The following KCNT1 variants were observed in gnomAD, a reference collection of about 807,000 sequenced individuals.
KCNT1 encodes the protein potassium channel subfamily T member 1.
In KCNT1, 78 loss-of-function variants were observed where a neutral mutation model predicts 147.8. The observed-to-expected ratio is 0.53, with a 90% CI of 0.44 to 0.64. The LOEUF is 0.64. KCNT1 is among the 30% of genes least tolerant of loss of function. The pLI, the probability that KCNT1 is intolerant of heterozygous loss-of-function variation, is 0.00. For missense variants in KCNT1, 1,419 were observed against 1,750.3 expected (o/e 0.81, Z 3.38); for synonymous variants, 867 against 748.8 (o/e 1.16, Z -2.58).
At chr9:135,755,320 G>A (rs940516056) in intron 6 of KCNT1, 151 bp downstream of exon 6, 1 of 586,146 alleles carries the variant, frequency 1.7e-6, no homozygotes, top group Non-Finnish European at 2.8e-6. Flanking sequence ...CCCAGGCTCA[G>A]TGAGCACTGA....
At chr9:135,715,266 G>A (rs1197614067) in intron 2 of KCNT1, among the ~76,000 whole-genome samples, 1 of 152,246 alleles carries the variant, frequency 6.6e-6, no homozygotes, top group Non-Finnish European at 1.5e-5. Context: ...TTTCAGTTAA[G>A]GACCAACAGG....
At chr9:135,756,600 C>T (rs1215583864) in intron 6 of KCNT1, among the ~76,000 whole-genome samples, 1 of 152,200 alleles carries the variant, frequency 6.6e-6, no homozygotes, top group Non-Finnish European at 1.5e-5. Context: ...TCCTGAGCGT[C>T]CTGCCTCACC....
chr9:135,721,287 G>A (rs1434692858), intron 2 of KCNT1, among the ~76,000 whole-genome samples: 1 of 152,210 alleles, frequency 6.6e-6, no homozygotes, highest in Non-Finnish European at 1.5e-5. Flanking sequence ...AGCCTGCTCA[G>A]TCCCTGGGGG....
chr9:135,750,803 A>G (rs951436153), intron 3 of KCNT1, 139 bp from the exon 4 acceptor site: 1 of 731,472 alleles, frequency 1.4e-6, no homozygotes, highest in Non-Finnish European at 2.4e-6. Context: ...CAGGGCACAC[A>G]GAGCTCTGCG....
chr9:135,755,172 G>A lies in KCNT1; in HGVS notation c.540+3G>A. 6.2e-7 allele frequency: 1 copy of A among 1,610,782 alleles called. No homozygotes were observed. The highest frequency in any genetic ancestry group is 1.1e-5 in the South Asian group (1 of 90,652). On this transcript the variant is annotated splice_donor_region_variant and intron_variant, in intron 6 of 30. Transcript: ENST00000371757. ...AGATGACACTGTGGGCGATCCAGGT[G>A]AGTGCCCTACCCTGCCCCCCTCCCG... is the stretch of plus-strand genomic sequence containing the variant.
intron 29 of KCNT1, chr9:135,791,463 C>T (rs957331097): frequency 6.8e-5 from 21 of 309,876 alleles, no homozygotes; most frequent in Admixed American, 2.3e-4. Flanking sequence ...GGCTGACGTA[C>T]GTGGCAGGTG....
chr9:135,788,482 T>C (rs1027287982), intron 29 of KCNT1, among the ~76,000 whole-genome samples: 2 of 152,250 alleles, frequency 1.3e-5, no homozygotes, highest in African/African-American at 2.4e-5. Flanking sequence ...CTGTTTACGA[T>C]GAGCTCTGAT....
At chr9:135,705,371 G>C (rs1398030865) in intron 1 of KCNT1, among the ~76,000 whole-genome samples, 1 of 152,256 alleles carries the variant, frequency 6.6e-6, no homozygotes, top group African/African-American at 2.4e-5. Context: ...CCCTGCATGG[G>C]TGAGGGATGC....
chr9:135,714,221 GA>G lies in KCNT1; in HGVS notation c.111-355del, dbSNP rs1407749482. On this transcript the variant is annotated intron_variant, in intron 1 of 30. Transcript: ENST00000371757. This position sits in a 1 kb window ranked among gnomAD's most constrained non-coding sequence, Gnocchi z 6.2. ...GTGTGGCGGGGCTTCAGAGCAGGGGGAGGGCCTCCATCCTGGCTCTTGGGGG... is the reference window on the plus strand; with the variant it reads ...GTGTGGCGGGGCTTCAGAGCAGGGGGGGGCCTCCATCCTGGCTCTTGGGGG... 6.6e-6 allele frequency among the ~76,000 whole-genome samples: 1 copy of G among 151,846 alleles called. No homozygotes were observed. The highest frequency in any genetic ancestry group is 2.4e-5 in the African/African-American group (1 of 41,382).
intron 1 of KCNT1, among the ~76,000 whole-genome samples, chr9:135,710,329 C>G (rs1404366512): frequency 1.3e-5 from 2 of 152,158 alleles, no homozygotes; most frequent in African/African-American, 4.8e-5. Flanking sequence ...AGGCTGGAGC[C>G]AGGTACTGGG....
At chr9:135,776,719 C>T (rs960953271) in intron 20 of KCNT1, among the ~76,000 whole-genome samples, 1 of 152,350 alleles carries the variant, frequency 6.6e-6, no homozygotes, top group East Asian at 1.9e-4. Flanking sequence ...CCGGTCATTG[C>T]AGTAGCATCA....
chr9:135,791,986 G>A, intron 30 of KCNT1, 55 bp from the exon 31 acceptor site: 1 of 1,605,426 alleles, frequency 6.2e-7, no homozygotes, highest in Non-Finnish European at 8.5e-7. Flanking sequence ...GCAGAGGGCT[G>A]AGCAGGGGCT....
chr9:135,722,193 C>T lies in KCNT1; in HGVS notation c.254+7473C>T, dbSNP rs147862425. On this transcript the variant is annotated intron_variant, in intron 2 of 30. Transcript: ENST00000371757. ...AGCCTGTGCGTCTTTATGACTCAAG[C>T]GGGGGGCCTCTGGCTCCCCCAAACA... Among the ~76,000 whole-genome samples the T allele has an allele frequency of 1.9e-3, 290 of 152,216 alleles. 1 individual carries two copies. Among genetic ancestry groups the T allele is most frequent in the Non-Finnish European group, 3.1e-3 (211 of 67,986 alleles).
intron 2 of KCNT1, among the ~76,000 whole-genome samples, chr9:135,736,196 G>T (rs1830328411): frequency 6.6e-6 from 1 of 152,186 alleles, no homozygotes. Context: ...CACCAGGGCT[G>T]GGGGCTAGGG....
At chr9:135,719,114 G>T (rs1835827080) in intron 2 of KCNT1, among the ~76,000 whole-genome samples, 1 of 152,188 alleles carries the variant, frequency 6.6e-6, no homozygotes, top group South Asian at 2.1e-4. Flanking sequence ...CAGTCTCACT[G>T]CCCCTCTGCC....
At chr9:135,719,027 C>T (rs1448673720) in intron 2 of KCNT1, among the ~76,000 whole-genome samples, 1 of 152,236 alleles carries the variant, frequency 6.6e-6, no homozygotes, top group Non-Finnish European at 1.5e-5. Flanking sequence ...CAGATGGTGT[C>T]TCGGGTGCTC....
At chr9:135,744,436 G>A (rs1009789643) in intron 2 of KCNT1, among the ~76,000 whole-genome samples, 5 of 152,242 alleles carry the variant, frequency 3.3e-5, no homozygotes, top group Non-Finnish European at 5.9e-5. Flanking sequence ...ATGGGTACAC[G>A]CGGGGCCCAG....
chr9:135,753,682 T>C (rs1831319509), intron 4 of KCNT1: 1 of 572,560 alleles, frequency 1.7e-6, no homozygotes, highest in African/African-American at 1.9e-5. Flanking sequence ...GTACCCTCGC[T>C]GTCTGCCTGC....
chr9:135,763,809 C>A (rs1047701069), intron 11 of KCNT1, among the ~76,000 whole-genome samples: 12 of 152,176 alleles, frequency 7.9e-5, no homozygotes, highest in Non-Finnish European at 1.8e-4. Flanking sequence ...CACTACGGAG[C>A]TGCCGTCATT....
Sources: allele counts gnomAD v4.1 joint callset (sites outside exome capture counted in the v4.1 genomes callset), GRCh38; gene constraint gnomAD v4.1.1; non-coding constraint Gnocchi (gnomAD v3.1); transcripts MANE v1.5; gene names NCBI Gene and HGNC (gene_info 2026-07-23, HGNC 2026-07-21).